Variants in ABCB1 observed in about 807,000 individuals in gnomAD.
ABCB1 encodes the protein ATP binding cassette subfamily B member 1.
A neutral mutation model predicts 142.0 loss-of-function variants in ABCB1; 69 were observed. The ratio of observed to expected loss-of-function variants is 0.49; its 90% CI spans 0.40 to 0.59. The LOEUF is 0.59. Among genes scored for constraint, ABCB1 ranks in the 20% least tolerant of loss-of-function variants. The pLI is 0.00. For missense variants in ABCB1, 1,326 were observed against 1,554.7 expected (o/e 0.85, Z 2.47); for synonymous variants, 532 against 539.2 (o/e 0.99, Z 0.18).
At chr7:87,544,764 A>G in intron 16 of ABCB1, 59 bp downstream of exon 16, 3 of 1,578,874 alleles carry the variant, frequency 1.9e-6, no homozygotes, top group Non-Finnish European at 2.6e-6. Context: ...GCCCTAGCCC[A>G]CCAAACTAGG....
intron 1 of ABCB1, among the ~76,000 whole-genome samples, chr7:87,630,428 C>A (rs1821098839): frequency 6.6e-6 from 1 of 152,218 alleles, no homozygotes. Flanking sequence ...GCCGTTTGTG[C>A]TGTCTAGGAT....
chr7:87,582,002 T>C (rs75705468), intron 4 of ABCB1, among the ~76,000 whole-genome samples: 2 of 152,132 alleles, frequency 1.3e-5, no homozygotes, highest in Non-Finnish European at 2.9e-5. Context: ...ATCAAAACCT[T>C]TGATGCTATT....
intron 8 of ABCB1, among the ~76,000 whole-genome samples, chr7:87,559,039 TC>T (rs1817434195): frequency 6.6e-6 from 1 of 152,150 alleles, no homozygotes; most frequent in Non-Finnish European, 1.5e-5. Context: ...TTTTCCTTTC[TC>T]ATATTATATC....
At chr7:87,505,051 C>CCTCCTGGG (rs1235810844) in intron 27 of ABCB1, among the ~76,000 whole-genome samples, 2 of 152,036 alleles carry the variant, frequency 1.3e-5, no homozygotes, top group African/African-American at 4.8e-5. Flanking sequence ...GCAGCCTCAA[C>CCTCCTGGG]CTCCTGGGCT....
At chr7:87,708,801 A>G (rs1829825248) in intron 1 of ABCB1, among the ~76,000 whole-genome samples, 1 of 152,150 alleles carries the variant, frequency 6.6e-6, no homozygotes, top group Non-Finnish European at 1.5e-5. Flanking sequence ...TGCATAAAGT[A>G]GGGATAGTAT....
intron 1 of ABCB1, among the ~76,000 whole-genome samples, chr7:87,640,851 T>A (rs1032240151): frequency 6.6e-6 from 1 of 152,154 alleles, no homozygotes; most frequent in Non-Finnish European, 1.5e-5. Flanking sequence ...TAATTTCAGG[T>A]AGTTCCAGAA....
intron 1 of ABCB1, among the ~76,000 whole-genome samples, chr7:87,672,141 CAGGG>C (rs1204800807): frequency 6.6e-6 from 1 of 152,180 alleles, no homozygotes; most frequent in Non-Finnish European, 1.5e-5. Context: ...AGCATCATCC[CAGGG>C]AGAATTCAAA....
chr7:87,608,701 C>T (rs1819746993), intron 1 of ABCB1, among the ~76,000 whole-genome samples: 1 of 152,122 alleles, frequency 6.6e-6, no homozygotes, highest in Admixed American at 6.5e-5. Flanking sequence ...AGACTTTGAA[C>T]TTGTTTAATC....
intron 1 of ABCB1, among the ~76,000 whole-genome samples, chr7:87,616,377 T>C (rs113859642): frequency 1.7e-4 from 26 of 152,298 alleles, no homozygotes; most frequent in African/African-American, 6.3e-4. Context: ...AGGGGAAATA[T>C]GTGATAAGAA....
At chr7:87,627,841 T>G (rs1820762255) in intron 1 of ABCB1, 1 of 152,318 alleles carries the variant, frequency 6.6e-6, no homozygotes, top group African/African-American at 2.4e-5. Context: ...GGGTGCGGGC[T>G]GCGCTGGAGG....
At chr7:87,505,667 A>G (rs1476933688) in intron 27 of ABCB1, among the ~76,000 whole-genome samples, 1 of 152,186 alleles carries the variant, frequency 6.6e-6, no homozygotes, top group Non-Finnish European at 1.5e-5. Context: ...TCTTAGGTCA[A>G]CGCAAACTGA....
chr7:87,608,210 C>T (rs190032722), intron 1 of ABCB1, among the ~76,000 whole-genome samples: 1 of 152,164 alleles, frequency 6.6e-6, no homozygotes, highest in Non-Finnish European at 1.5e-5. Flanking sequence ...AAGTTCTGGT[C>T]ATTTGACATT....
At chr7:87,664,177 G>A (rs6465117) in intron 1 of ABCB1, among the ~76,000 whole-genome samples, 14,081 of 151,828 alleles carry the variant, frequency 0.093, 771 homozygotes, top group African/African-American at 0.15. Context: ...AATATACAGG[G>A]TAGCCAGGCA....
At chr7:87,629,032 A>G (rs546558853) in intron 1 of ABCB1, 217 of 1,197,638 alleles carry the variant, frequency 1.8e-4, no homozygotes, top group Non-Finnish European at 2.2e-4. Context: ...GGTCCCGGGC[A>G]TGATGGGCTG....
chr7:87,617,578 T>G (rs1000978052), intron 1 of ABCB1, among the ~76,000 whole-genome samples: 3 of 152,160 alleles, frequency 2.0e-5, no homozygotes, highest in African/African-American at 7.2e-5. Flanking sequence ...TATCAGGAAC[T>G]TACTAAAGTT....
intron 4 of ABCB1, 43 bp downstream of exon 4, chr7:87,585,469 T>G (rs1418017717): frequency 6.2e-7 from 1 of 1,603,176 alleles, no homozygotes; most frequent in Non-Finnish European, 8.5e-7. Flanking sequence ...TGCTTGTTTT[T>G]GCTGCAAGTT....
chr7:87,608,276 T>C (rs771103273), intron 1 of ABCB1, among the ~76,000 whole-genome samples: 9 of 152,226 alleles, frequency 5.9e-5, no homozygotes, highest in Non-Finnish European at 1.3e-4. Flanking sequence ...AATAAGACAG[T>C]GAGTGTAAAG....
chr7:87,595,942 A>G, intron 2 of ABCB1, 128 bp from the exon 3 acceptor site: 1 of 720,908 alleles, frequency 1.4e-6, no homozygotes, highest in Non-Finnish European at 2.3e-6. Context: ...ATACAGTTAA[A>G]AAACAGGATG....
At chr7:87,713,035 T>C (rs910811846) in intron 1 of ABCB1, 1 of 152,170 alleles carries the variant, frequency 6.6e-6, no homozygotes, top group Non-Finnish European at 1.5e-5. Flanking sequence ...TTTTTTTTAC[T>C]GAGATGAAAC....
Sources: allele counts gnomAD v4.1 joint callset (sites outside exome capture counted in the v4.1 genomes callset), GRCh38; gene constraint gnomAD v4.1.1; transcripts MANE v1.5; gene names NCBI Gene and HGNC (gene_info 2026-07-23, HGNC 2026-07-21).